Variants in EFR3B observed in about 807,000 individuals in gnomAD.
The protein encoded by EFR3B is protein EFR3 homolog B.
In EFR3B, 64 loss-of-function variants were observed where a neutral mutation model predicts 104.7. That is an observed-to-expected ratio of 0.61 (90% CI 0.50 to 0.75). EFR3B has a LOEUF of 0.75. Ranked by LOEUF, EFR3B falls within the 30% of genes least tolerant of loss-of-function variation. EFR3B has a pLI of 0.00. For missense variants in EFR3B, 750 were observed against 1,078.5 expected, an observed-to-expected ratio of 0.70 and a Z score of 4.27; for synonymous variants, 385 against 417.9, an observed-to-expected ratio of 0.92 and a Z score of 0.96.
At chr2:25,096,316 C>T (rs909891426) in intron 3 of EFR3B, among the ~76,000 whole-genome samples, 1 of 152,100 alleles carries the variant, frequency 6.6e-6, no homozygotes, top group African/African-American at 2.4e-5. Flanking sequence ...GCCTGGCCTC[C>T]ATGGAATCTT....
At chr2:25,060,732 AAC>A (rs1458668480) in intron 1 of EFR3B, among the ~76,000 whole-genome samples, 3 of 152,052 alleles carry the variant, frequency 2.0e-5, no homozygotes, top group African/African-American at 7.2e-5. Context: ...CATCATGGCT[AAC>A]ACAGCGAAAC....
At chr2:25,112,962 C>A (rs912211329) in intron 4 of EFR3B, among the ~76,000 whole-genome samples, 1 of 143,930 alleles carries the variant, frequency 6.9e-6, no homozygotes, top group Non-Finnish European at 1.6e-5. Flanking sequence ...GAGAGCTGTT[C>A]CTGCAAGGCC....
In EFR3B at chr2:25,156,096, G is replaced by C. The variant is rs1414341792; in HGVS notation, c.*1756G>C. 6.6e-6 allele frequency: 1 copy of C among 152,116 alleles called. No homozygotes were observed. Among genetic ancestry groups the C allele is most frequent in the Non-Finnish European group, 1.5e-5 (1 of 68,040 alleles). The allele number at this position is 152,116 out of a possible 1,614,324, so 9.4% of individuals were successfully genotyped here. On this transcript the variant is annotated 3_prime_UTR_variant, in exon 23 of 23. Transcript: ENST00000403714. ...CGTGTGGTGTGCACGGATGTGCAGG[G>C]AGAGCCTGATTGTTAGGTGGATGTA...
chr2:25,103,204 T>C (rs1669470883), intron 3 of EFR3B, among the ~76,000 whole-genome samples: 1 of 152,232 alleles, frequency 6.6e-6, no homozygotes. Flanking sequence ...TCTTCATCCT[T>C]ACACCCCCTG....
Position 25,042,979 on chromosome 2 carries a change from C to A in EFR3B, c.7+660C>A, listed in dbSNP as rs530112214. Reference sequence around the variant, plus strand: ...CCTCCACCGCCATCCCCTCAACTGCCGTGCAACAGTTAGCCAGACCCTCAC... The same window carrying A: ...CCTCCACCGCCATCCCCTCAACTGCAGTGCAACAGTTAGCCAGACCCTCAC... On this transcript the variant is annotated intron_variant, in intron 1 of 22. Transcript: ENST00000403714. The surrounding 1 kb of genome is among the most constrained non-coding windows in gnomAD (Gnocchi z 5.4). Among the ~76,000 whole-genome samples the A allele has an allele frequency of 6.6e-4, 101 of 152,266 alleles. No individual in the cohort carries two copies. Among genetic ancestry groups the A allele is most frequent in the African/African-American group, 2.3e-3 (96 of 41,556 alleles).
intron 3 of EFR3B, among the ~76,000 whole-genome samples, chr2:25,102,882 G>A (rs1211791413): frequency 1.3e-5 from 2 of 152,188 alleles, no homozygotes; most frequent in Non-Finnish European, 2.9e-5. Context: ...CATCTTGTCT[G>A]TCTTATTCCC....
chr2:25,101,549 A>G (rs777549804), intron 3 of EFR3B, among the ~76,000 whole-genome samples: 1 of 152,062 alleles, frequency 6.6e-6, no homozygotes, highest in African/African-American at 2.4e-5. Context: ...GGGTCTCGCC[A>G]TGTTGCCCAG....
At chr2:25,099,283 G>C (rs911314166) in intron 3 of EFR3B, among the ~76,000 whole-genome samples, 2 of 152,072 alleles carry the variant, frequency 1.3e-5, no homozygotes, top group Non-Finnish European at 2.9e-5. Context: ...GATGGTGATT[G>C]TGATGGTCTC....
At chr2:25,073,324 A>T (rs975347350) in intron 1 of EFR3B, among the ~76,000 whole-genome samples, 2 of 151,904 alleles carry the variant, frequency 1.3e-5, no homozygotes, top group African/African-American at 4.8e-5. Flanking sequence ...ATGCTATAAA[A>T]TACAAAACTG....
chr2:25,149,802 G>T, intron 20 of EFR3B, 60 bp downstream of exon 20: 3 of 1,460,264 alleles, frequency 2.1e-6, no homozygotes, highest in South Asian at 1.2e-5. Flanking sequence ...CCTTGGGCCT[G>T]TTCCTGCAGA....
chr2:25,073,414 G>T (rs1289626040), intron 1 of EFR3B, among the ~76,000 whole-genome samples: 2 of 149,110 alleles, frequency 1.3e-5, no homozygotes, highest in Non-Finnish European at 3.0e-5. Context: ...CTGGAGTACA[G>T]TGGTGCGATC....
Position 25,136,566 on chromosome 2 carries a change from T to C in EFR3B, c.1528T>C (p.Cys510Arg). 3 of 1,551,388 alleles carry C rather than the reference T, an allele frequency of 1.9e-6. No individual in the cohort carries two copies. ...TGTCCTGAAGCTGAAAGTGGACAAG[T>C]GCTCTCGACAGGACACCGTCTTCAT... is the stretch of plus-strand genomic sequence containing the variant. ...ISVLKLKVDK[C>R]SRQDTVFMKK... Residue 510 changes from cysteine (C) to arginine (R), a missense_variant, in exon 14 of 23, where the codon TGC (cysteine) becomes CGC (arginine). Physicochemically the swap from Cys to Arg is radical, Grantham distance 180. Coordinates refer to ENST00000403714, the MANE Select transcript of EFR3B (RefSeq NM_014971.2). This position sits in a 1 kb window ranked among gnomAD's most constrained non-coding sequence, Gnocchi z 4.0.
chr2:25,073,373 T>TA (rs1479235973), intron 1 of EFR3B, among the ~76,000 whole-genome samples: 112 of 151,884 alleles, frequency 7.4e-4, no homozygotes, highest in African/African-American at 2.6e-3. Context: ...TTTTTTTTTT[T>TA]TTTAGACAGA....
intron 1 of EFR3B, among the ~76,000 whole-genome samples, chr2:25,075,824 C>G (rs1288268948): frequency 2.0e-5 from 3 of 152,284 alleles, no homozygotes; most frequent in African/African-American, 7.2e-5. Context: ...CAGACAAGCT[C>G]AAAACACTTT....
At chr2:25,083,908 C>T (rs761532652) in intron 1 of EFR3B, among the ~76,000 whole-genome samples, 62 of 152,316 alleles carry the variant, frequency 4.1e-4, no homozygotes, top group Middle Eastern at 3.4e-3. Flanking sequence ...GGGACACGTG[C>T]ACTCTACAGC....
At chr2:25,067,426 G>GT (rs111972158) in intron 1 of EFR3B, among the ~76,000 whole-genome samples, 4,262 of 142,568 alleles carry the variant, frequency 0.03, 193 homozygotes, top group African/African-American at 0.097. Flanking sequence ...TTTAGTTTTT[G>GT]TTTTTTTTTT....
At chr2:25,076,612 G>A (rs1668640011) in intron 1 of EFR3B, among the ~76,000 whole-genome samples, 1 of 152,046 alleles carries the variant, frequency 6.6e-6, no homozygotes, top group Non-Finnish European at 1.5e-5. Context: ...GCTGTTAGTG[G>A]TCCCGAGAGA....
At chr2:25,128,442 A>G (rs1237930848) in intron 6 of EFR3B, 110 bp downstream of exon 6, 2 of 1,399,444 alleles carry the variant, frequency 1.4e-6, no homozygotes, top group Non-Finnish European at 9.7e-7. Flanking sequence ...AAGGCCAGGG[A>G]CATGGCTTTG....
At chr2:25,099,779 A>G (rs568087766) in intron 3 of EFR3B, among the ~76,000 whole-genome samples, 1 of 151,600 alleles carries the variant, frequency 6.6e-6, no homozygotes, top group South Asian at 2.1e-4. Flanking sequence ...CCCAGGAGGT[A>G]TCATGGAGCC....
Sources: gnomAD v4.1 joint callset for allele counts (sites outside exome capture counted in the v4.1 genomes callset) on GRCh38, gnomAD v4.1.1 for gene constraint, Gnocchi (gnomAD v3.1) non-coding constraint, MANE v1.5 for transcripts, NCBI Gene and HGNC (gene_info 2026-07-23, HGNC 2026-07-21) for gene names.